The following EYS variants were observed in gnomAD, a reference collection of about 807,000 sequenced individuals.
EYS encodes EGF-like photoreceptor maintenance factor.
Under a neutral mutation model 282.1 loss-of-function variants are expected in EYS, and 250 were observed. The ratio of observed to expected loss-of-function variants is 0.89; its 90% confidence interval spans 0.80 to 0.98. The LOEUF (loss-of-function observed/expected upper bound fraction) is 0.98, where lower values mean the gene tolerates loss of function less well. Ranked by LOEUF, EYS falls within the 50% of genes least tolerant of loss-of-function variation. EYS has a pLI of 0.00. For synonymous variants in EYS, 1,355 were observed against 1,282.9 expected (o/e 1.06, Z -1.20); for missense variants, 4,016 against 3,709.0 (o/e 1.08, Z -2.15).
intron 4 of EYS, among the ~76,000 whole-genome samples, chr6:65,491,094 T>G (rs1249439137): frequency 6.6e-6 from 1 of 152,174 alleles, no homozygotes; most frequent in African/African-American, 2.4e-5. Context: ...AAATGTGTAC[T>G]GTTTCTCAGA....
chr6:65,169,092 T>C (rs1240432970), intron 12 of EYS, among the ~76,000 whole-genome samples: 1 of 151,538 alleles, frequency 6.6e-6, no homozygotes, highest in African/African-American at 2.4e-5. Flanking sequence ...TGTACTTGTA[T>C]TGTTATGTGA....
intron 22 of EYS, among the ~76,000 whole-genome samples, chr6:64,746,456 G>A (rs1188546377): frequency 2.0e-5 from 3 of 151,844 alleles, no homozygotes; most frequent in Non-Finnish European, 4.4e-5. Flanking sequence ...ATACATATAT[G>A]TTCATTAAAA....
At chr6:65,263,926 G>C (rs1300514668) in intron 12 of EYS, among the ~76,000 whole-genome samples, 1 of 151,532 alleles carries the variant, frequency 6.6e-6, no homozygotes. Flanking sequence ...TAAAAAACAA[G>C]GAAGTAGAAA....
At chr6:65,421,802 G>A (rs768858443) in intron 5 of EYS, among the ~76,000 whole-genome samples, 44 of 151,936 alleles carry the variant, frequency 2.9e-4, no homozygotes, top group Non-Finnish European at 5.2e-4. Context: ...AAGAGGGGGA[G>A]AGAAAGCAGA....
intron 29 of EYS, among the ~76,000 whole-genome samples, chr6:64,322,966 C>T (rs190960796): frequency 1.3e-4 from 20 of 152,228 alleles, no homozygotes; most frequent in Non-Finnish European, 2.4e-4. Flanking sequence ...ACCCCATCCT[C>T]AGACATTCAC....
At chr6:64,017,010 G>A (rs1285908664) in intron 33 of EYS, among the ~76,000 whole-genome samples, 1 of 151,598 alleles carries the variant, frequency 6.6e-6, no homozygotes, top group Admixed American at 6.6e-5. Flanking sequence ...ATTGCACTCC[G>A]CATGTCCTTG....
At chr6:64,709,377 T>C (rs1771134201) in intron 22 of EYS, among the ~76,000 whole-genome samples, 1 of 152,166 alleles carries the variant, frequency 6.6e-6, no homozygotes, top group Non-Finnish European at 1.5e-5. Flanking sequence ...AGTTCATTTC[T>C]TCAGCATTTT....
At chr6:64,839,463 G>A (rs1765496357) in intron 19 of EYS, among the ~76,000 whole-genome samples, 1 of 151,898 alleles carries the variant, frequency 6.6e-6, no homozygotes, top group African/African-American at 2.4e-5. Context: ...GGGAAAATAA[G>A]CTTATTAAAA....
At chr6:65,581,460 G>A (rs1211735749) in intron 2 of EYS, among the ~76,000 whole-genome samples, 1 of 151,988 alleles carries the variant, frequency 6.6e-6, no homozygotes. Context: ...ATTCTTAGTA[G>A]GCCTCAGGAA....
chr6:64,164,232 GCACAGAGTTTGT>G (rs1775197598), intron 31 of EYS, among the ~76,000 whole-genome samples: 2 of 152,040 alleles, frequency 1.3e-5, no homozygotes, highest in African/African-American at 4.8e-5. Flanking sequence ...ATTTATCCCA[GCACAGAGTTTGT>G]TTTTTAGTTG....
chr6:65,591,756 C>T (rs186194689), intron 2 of EYS, among the ~76,000 whole-genome samples: 11 of 152,058 alleles, frequency 7.2e-5, no homozygotes, highest in Admixed American at 3.3e-4. Context: ...CATGCCTTTG[C>T]GTTGGAAAAC....
At chr6:64,296,588 ATATATATATATTTTTTTTTT>A (rs1561913846) in intron 30 of EYS, among the ~76,000 whole-genome samples, 5 of 3,524 alleles carry the variant, frequency 1.4e-3, no homozygotes, top group African/African-American at 5.5e-3. Flanking sequence ...ATATATACAT[ATATATATATATTTTTTTTTT>A]TTTTTTTTTT....
At chr6:65,364,582 T>G (rs1764841765) in intron 8 of EYS, among the ~76,000 whole-genome samples, 1 of 151,556 alleles carries the variant, frequency 6.6e-6, no homozygotes, top group African/African-American at 2.4e-5. Context: ...TTAGGTTTGA[T>G]TCTAGGTAAT....
chr6:65,168,987 C>T (rs2150226173), intron 12 of EYS, among the ~76,000 whole-genome samples: 1 of 151,336 alleles, frequency 6.6e-6, no homozygotes, highest in African/African-American at 2.4e-5. Flanking sequence ...TAAGACATAT[C>T]AAAACAATTG....
At chr6:63,767,673 C>T (rs2149659024) in intron 40 of EYS, among the ~76,000 whole-genome samples, 1 of 152,126 alleles carries the variant, frequency 6.6e-6, no homozygotes, top group East Asian at 1.9e-4. Flanking sequence ...TTTACAGATT[C>T]AATGTTATTC....
chr6:64,809,155 G>A (rs1325795678), intron 22 of EYS, among the ~76,000 whole-genome samples: 3 of 151,942 alleles, frequency 2.0e-5, no homozygotes, highest in Non-Finnish European at 4.4e-5. Context: ...AGTGGTCTTC[G>A]GCTATATCTG....
intron 19 of EYS, among the ~76,000 whole-genome samples, chr6:64,830,796 TAA>T: frequency 6.6e-6 from 1 of 151,738 alleles, no homozygotes; most frequent in Admixed American, 6.6e-5. Context: ...CTATAATAGA[TAA>T]AGTAATGAGC....
At chr6:65,676,447 G>T (rs945391324) in intron 1 of EYS, among the ~76,000 whole-genome samples, 2 of 151,662 alleles carry the variant, frequency 1.3e-5, no homozygotes, top group Admixed American at 6.6e-5. Flanking sequence ...TCTACAAATT[G>T]AATAACGTCA....
intron 35 of EYS, among the ~76,000 whole-genome samples, chr6:63,929,738 C>A (rs1271628933): frequency 6.6e-6 from 1 of 152,110 alleles, no homozygotes; most frequent in Non-Finnish European, 1.5e-5. Context: ...ACATAGCAGT[C>A]CTCACTCATC....
Sources: allele counts gnomAD v4.1 joint callset (sites outside exome capture counted in the v4.1 genomes callset), GRCh38; gene constraint gnomAD v4.1.1; transcripts MANE v1.5; gene names NCBI Gene and HGNC (gene_info 2026-07-23, HGNC 2026-07-21).